The following NLGN1 variants were observed in gnomAD, a reference collection of about 807,000 sequenced individuals.
NLGN1 encodes the protein neuroligin 1.
NLGN1 carries 12 observed loss-of-function variants against 65.5 expected under a neutral mutation model. That is an observed-to-expected ratio of 0.18 (90% CI 0.12 to 0.30). The LOEUF (loss-of-function observed/expected upper bound fraction) is 0.30. Ranked by LOEUF, NLGN1 falls within the 10% of genes least tolerant of loss-of-function variation. The pLI, the probability that NLGN1 is intolerant of heterozygous loss-of-function variation, is 1.00. For synonymous variants in NLGN1, 350 were observed against 359.5 expected (o/e 0.97, Z 0.30); for missense variants, 750 against 1,007.1 (o/e 0.74, Z 3.46).
At chr3:173,539,894 TA>T (rs1342499670) in intron 2 of NLGN1, among the ~76,000 whole-genome samples, 2 of 146,804 alleles carry the variant, frequency 1.4e-5, no homozygotes, top group African/African-American at 5.1e-5. Flanking sequence ...ATGTTATATA[TA>T]TGTTATAAAT....
chr3:174,245,420 T>C (rs964882108), intron 4 of NLGN1, among the ~76,000 whole-genome samples: 6 of 152,164 alleles, frequency 3.9e-5, no homozygotes, highest in African/African-American at 1.4e-4. Context: ...CTAAAAACTA[T>C]TGGAAAAATA....
chr3:173,854,161 A>G (rs2150755994), intron 4 of NLGN1, among the ~76,000 whole-genome samples: 1 of 152,174 alleles, frequency 6.6e-6, no homozygotes, highest in Middle Eastern at 3.4e-3. Context: ...GGCAACAACA[A>G]CAAAACTTTA....
chr3:173,749,274 CAA>C (rs1775983056), intron 3 of NLGN1, among the ~76,000 whole-genome samples: 1 of 151,852 alleles, frequency 6.6e-6, no homozygotes, highest in South Asian at 2.1e-4. Context: ...GCTAGATTTC[CAA>C]AGTCATTTTT....
Position 173,435,439 on chromosome 3 carries a change from C to G in NLGN1, c.-321+361C>G, listed in dbSNP as rs186987550. On this transcript the variant is annotated intron_variant, in intron 2 of 6. Transcript: ENST00000457714. ...TTTTTATGTTACAAAGTTTGATTCT[C>G]TTTTGATGATATATACATACACACA... 9.5e-4 allele frequency among the ~76,000 whole-genome samples: 144 copies of G among 152,198 alleles called. 1 individual carries two copies. Among genetic ancestry groups the G allele is most frequent in the African/African-American group, 3.4e-3 (140 of 41,522 alleles).
At chr3:173,766,762 G>A (rs1778840441) in intron 3 of NLGN1, among the ~76,000 whole-genome samples, 2 of 152,140 alleles carry the variant, frequency 1.3e-5, no homozygotes. Context: ...AATATTGAAA[G>A]AAAGAAGGGA....
intron 3 of NLGN1, among the ~76,000 whole-genome samples, chr3:173,710,389 A>T (rs1212044566): frequency 6.6e-6 from 1 of 152,140 alleles, no homozygotes; most frequent in East Asian, 1.9e-4. Flanking sequence ...CCCAGGATTT[A>T]TGCATTTCTT....
chr3:173,579,327 T>G (rs1746021969), intron 2 of NLGN1, among the ~76,000 whole-genome samples: 1 of 152,088 alleles, frequency 6.6e-6, no homozygotes, highest in African/African-American at 2.4e-5. Context: ...ATACAAAAAT[T>G]AGCCTGATGT....
At chr3:173,795,794 G>T (rs886440594) in intron 3 of NLGN1, among the ~76,000 whole-genome samples, 2 of 152,058 alleles carry the variant, frequency 1.3e-5, no homozygotes, top group East Asian at 3.9e-4. Context: ...ATACATCCTT[G>T]AGAACATTTA....
At chr3:173,595,994 C>A (rs1488228395) in intron 2 of NLGN1, among the ~76,000 whole-genome samples, 3 of 152,146 alleles carry the variant, frequency 2.0e-5, no homozygotes, top group African/African-American at 4.8e-5. Flanking sequence ...CAGAGCCAAA[C>A]CATATCATGT....
intron 2 of NLGN1, among the ~76,000 whole-genome samples, chr3:173,502,740 G>A (rs137943662): frequency 6.6e-6 from 1 of 151,690 alleles, no homozygotes; most frequent in African/African-American, 2.4e-5. Context: ...AATAGCAGAC[G>A]GCACAAATCA....
At chr3:173,712,099 A>T (rs773982904) in intron 3 of NLGN1, among the ~76,000 whole-genome samples, 1 of 152,212 alleles carries the variant, frequency 6.6e-6, no homozygotes, top group African/African-American at 2.4e-5. Context: ...ATTCATGGAC[A>T]TACTTCTATG....
At chr3:173,646,562 G>A (rs1055851165) in intron 3 of NLGN1, among the ~76,000 whole-genome samples, 1 of 152,192 alleles carries the variant, frequency 6.6e-6, no homozygotes, top group Non-Finnish European at 1.5e-5. Context: ...TAATCTGATT[G>A]TATCATTACA....
chr3:173,686,890 T>C (rs536074798), intron 3 of NLGN1, among the ~76,000 whole-genome samples: 2 of 151,898 alleles, frequency 1.3e-5, no homozygotes, highest in Admixed American at 1.3e-4. Context: ...CAGGTGGAGA[T>C]TGCAGTGAGC....
chr3:174,066,669 T>C (rs1355795735), intron 4 of NLGN1, among the ~76,000 whole-genome samples: 5 of 151,894 alleles, frequency 3.3e-5, no homozygotes, highest in African/African-American at 9.7e-5. Context: ...TCAACAAATA[T>C]GTATTACATG....
chr3:173,412,440 T>C (rs773284131), intron 1 of NLGN1, among the ~76,000 whole-genome samples: 49 of 152,144 alleles, frequency 3.2e-4, no homozygotes, highest in South Asian at 6.2e-4. Flanking sequence ...AGTACTATGA[T>C]AGGGTTGAGA....
rs184467347 is a variant in NLGN1, at chr3:174,197,607, C to T, written c.647-77708C>T. On this transcript the variant is annotated intron_variant, in intron 4 of 6. Transcript: ENST00000457714. ...GACTAAGAGAGGGAGGTGATTGGAA[C>T]GCAGCCCTGCCAGTCTATGTTCAAT... 3.3e-3 allele frequency among the ~76,000 whole-genome samples: 498 copies of T among 149,532 alleles called. 5 individuals carry two copies. The highest frequency in any genetic ancestry group is 0.012 in the African/African-American group (476 of 40,490).
At chr3:173,542,077 C>T (rs1479069393) in intron 2 of NLGN1, among the ~76,000 whole-genome samples, 1 of 151,832 alleles carries the variant, frequency 6.6e-6, no homozygotes, top group Non-Finnish European at 1.5e-5. Flanking sequence ...CTGTTTGATC[C>T]CCTGCATTAA....
chr3:174,102,249 G>A (rs577323890), intron 4 of NLGN1, among the ~76,000 whole-genome samples: 2 of 152,002 alleles, frequency 1.3e-5, no homozygotes, highest in East Asian at 3.9e-4. Context: ...TTTAACTCTT[G>A]CACATTCACA....
intron 4 of NLGN1, among the ~76,000 whole-genome samples, chr3:174,229,766 T>G (rs1222140288): frequency 6.6e-6 from 1 of 152,196 alleles, no homozygotes; most frequent in Non-Finnish European, 1.5e-5. Context: ...ATTGCGACTA[T>G]GTGATGTTGC....
Sources: gnomAD v4.1 joint callset for allele counts (sites outside exome capture counted in the v4.1 genomes callset) on GRCh38, gnomAD v4.1.1 for gene constraint, MANE v1.5 for transcripts, NCBI Gene and HGNC (gene_info 2026-07-23, HGNC 2026-07-21) for gene names.